CLIC5: variants seen among roughly 807,000 people sequenced by gnomAD.
CLIC5 encodes the protein chloride intracellular channel protein 5.
CLIC5 carries 20 observed loss-of-function variants against 24.7 expected under a neutral mutation model. The ratio of observed to expected loss-of-function variants is 0.81; its 90% CI spans 0.57 to 1.18. CLIC5 has a LOEUF of 1.18. Ranked by LOEUF, CLIC5 falls within the 50% of genes most tolerant of loss-of-function variation. The pLI, the probability that CLIC5 is intolerant of heterozygous loss-of-function variation, is 0.00. For missense variants in CLIC5, 341 were observed against 326.1 expected (o/e 1.05, Z -0.35); for synonymous variants, 159 against 135.6 (o/e 1.17, Z -1.20).
At chr6:45,926,228 CAT>C (rs10543677) in intron 4 of CLIC5, among the ~76,000 whole-genome samples, 25,557 of 144,032 alleles carry the variant, frequency 0.18, 4,473 homozygotes, top group African/African-American at 0.45. Context: ...CATACATATA[CAT>C]ATATATATAT....
At chr6:45,964,864 G>A (rs779745728) in intron 1 of CLIC5, among the ~76,000 whole-genome samples, 1 of 152,184 alleles carries the variant, frequency 6.6e-6, no homozygotes, top group Non-Finnish European at 1.5e-5. Flanking sequence ...TACACACTTA[G>A]CTTCAGGCCC....
At chr6:46,105,073 G>A in the CLIC5 span, among the ~76,000 whole-genome samples, 3 of 152,094 alleles carry the variant, frequency 2.0e-5, no homozygotes, top group Non-Finnish European at 4.4e-5. Flanking sequence ...GGGGCATATG[G>A]GGCTTTTGGG....
chr6:46,039,299 T>C (rs1417062569), intron 1 of CLIC5, among the ~76,000 whole-genome samples: 1 of 152,084 alleles, frequency 6.6e-6, no homozygotes. Flanking sequence ...TACCAAAACA[T>C]CATGACATTC....
At chr6:45,929,873 C>G (rs573003221) in intron 4 of CLIC5, among the ~76,000 whole-genome samples, 1 of 152,176 alleles carries the variant, frequency 6.6e-6, no homozygotes, top group Non-Finnish European at 1.5e-5. Context: ...TTTTTACACA[C>G]GGCCTTAGCT....
At chr6:45,970,358 A>T (rs536165683) in intron 1 of CLIC5, among the ~76,000 whole-genome samples, 1 of 152,242 alleles carries the variant, frequency 6.6e-6, no homozygotes, top group Non-Finnish European at 1.5e-5. Flanking sequence ...TCGTTTTCTC[A>T]GCCTTGAAAA....
chr6:46,121,322 A>G, the CLIC5 span, among the ~76,000 whole-genome samples: 1 of 152,232 alleles, frequency 6.6e-6, no homozygotes, highest in Admixed American at 6.5e-5. Context: ...TTTCATATCC[A>G]GCCAAACTAA....
intron 1 of CLIC5, among the ~76,000 whole-genome samples, chr6:45,968,711 T>A (rs1014158319): frequency 5.9e-5 from 9 of 152,214 alleles, no homozygotes; most frequent in African/African-American, 2.2e-4. Context: ...ACTATAGGAA[T>A]GTTTTAGCTT....
At chr6:46,091,624 G>A in the CLIC5 span, among the ~76,000 whole-genome samples, 5 of 152,192 alleles carry the variant, frequency 3.3e-5, no homozygotes, top group Non-Finnish European at 5.9e-5. Flanking sequence ...TGTGGTCCCA[G>A]CTACTTGGGA....
In CLIC5 at chr6:45,889,752, A is replaced by G. The variant is rs144490003; in HGVS notation, c.624-8564T>C. On this transcript the variant is annotated intron_variant, in intron 6 of 6. Coordinates refer to the CLIC5 transcript ENST00000644324. Reference sequence around the variant, plus strand: ...AAAAATAAAAATAATAGTTAATTAAATGTACATCCCTGGGATCTGATAATC... The same window carrying G: ...AAAAATAAAAATAATAGTTAATTAAGTGTACATCCCTGGGATCTGATAATC... Among the ~76,000 whole-genome samples, 44 of 152,338 alleles carry G rather than the reference A, an allele frequency of 2.9e-4. 1 individual carries two copies. The East Asian group carries it at 8.5e-3, about 29-fold the overall frequency.
intron 1 of CLIC5, among the ~76,000 whole-genome samples, chr6:46,021,265 T>C (rs1767175885): frequency 6.6e-6 from 1 of 152,190 alleles, no homozygotes; most frequent in East Asian, 1.9e-4. Flanking sequence ...ACAATGTGCA[T>C]TCATGATAAT....
intron 1 of CLIC5, among the ~76,000 whole-genome samples, chr6:46,058,739 AC>A (rs1768332032): frequency 1.3e-5 from 2 of 152,188 alleles, no homozygotes. Context: ...GGCTTCTTGT[AC>A]TATAAAGGCT....
At chr6:46,111,726 G>A in the CLIC5 span, among the ~76,000 whole-genome samples, 1 of 152,188 alleles carries the variant, frequency 6.6e-6, no homozygotes, top group African/African-American at 2.4e-5. Context: ...ATATGGTTTG[G>A]CTGTGTCCCC....
At chr6:45,963,065 T>G (rs1764903232) in intron 1 of CLIC5, among the ~76,000 whole-genome samples, 1 of 152,352 alleles carries the variant, frequency 6.6e-6, no homozygotes, top group Admixed American at 6.5e-5. Flanking sequence ...TTATTTCATG[T>G]CCCGCTATTT....
intron 3 of CLIC5, among the ~76,000 whole-genome samples, chr6:45,947,753 G>C (rs1764335286): frequency 6.6e-6 from 1 of 152,162 alleles, no homozygotes; most frequent in African/African-American, 2.4e-5. Flanking sequence ...TGGAGTCTGG[G>C]CTCCCTCAGG....
At chr6:45,897,873 T>G (rs1222812018), downstream of CLIC5, among the ~76,000 whole-genome samples, 3 of 151,854 alleles carry the variant, frequency 2.0e-5, no homozygotes, top group African/African-American at 7.3e-5. Context: ...TCTACCTCCA[T>G]GGATGACAAT....
chr6:45,952,894 C>G (rs1374549777), intron 2 of CLIC5, among the ~76,000 whole-genome samples: 1 of 152,188 alleles, frequency 6.6e-6, no homozygotes, highest in Admixed American at 6.5e-5. Flanking sequence ...GTCTGCTGCT[C>G]TCTTTAGTTA....
chr6:45,970,785 GTGCCC>G lies in CLIC5; in HGVS notation c.64-15546_64-15542del, dbSNP rs369805473. On this transcript the variant is annotated intron_variant, in intron 1 of 5. Coordinates refer to ENST00000339561, the MANE Select transcript of CLIC5 (RefSeq NM_016929.5). ...GTCCCAGTTGTTCTGCAAGATGAATGTGCCCTTGAGCAAGTCACTGTCTCGATCTG... is the reference window on the plus strand; with the variant it reads ...GTCCCAGTTGTTCTGCAAGATGAATGTTGAGCAAGTCACTGTCTCGATCTG... Among the ~76,000 whole-genome samples, 104 of 152,304 alleles carry G rather than the reference GTGCCC, an allele frequency of 6.8e-4. 1 individual carries two copies. The South Asian group carries it at 0.019, about 28-fold the overall frequency.
chr6:45,950,338 A>G (rs1389568875), intron 2 of CLIC5, among the ~76,000 whole-genome samples: 27 of 151,786 alleles, frequency 1.8e-4, no homozygotes, highest in Admixed American at 1.8e-3. Context: ...AGGTGGGAGG[A>G]TCACTTGAGC....
chr6:45,959,036 G>A (rs747274698), intron 1 of CLIC5, among the ~76,000 whole-genome samples: 8 of 152,058 alleles, frequency 5.3e-5, no homozygotes, highest in Non-Finnish European at 8.8e-5. Flanking sequence ...CACACTAGCC[G>A]GAGACTGTGG....
Sources: gnomAD v4.1 joint callset for allele counts (sites outside exome capture counted in the v4.1 genomes callset) on GRCh38, gnomAD v4.1.1 for gene constraint, MANE v1.5 for transcripts, NCBI Gene and HGNC (gene_info 2026-07-23, HGNC 2026-07-21) for gene names.